Variants in NCKAP5 observed in about 807,000 individuals in gnomAD.
NCKAP5 encodes NCK associated protein 5.
In NCKAP5, 92 loss-of-function variants were observed where a neutral mutation model predicts 167.0. The observed-to-expected ratio is 0.55, with a 90% CI of 0.47 to 0.66. The LOEUF (loss-of-function observed/expected upper bound fraction) is 0.66. Among genes scored for constraint, NCKAP5 ranks in the 30% least tolerant of loss-of-function variants. The pLI is 0.00. For synonymous variants in NCKAP5, 891 were observed against 877.4 expected, an observed-to-expected ratio of 1.02 and a Z score of -0.27; for missense variants, 2,378 against 2,315.0, an observed-to-expected ratio of 1.03 and a Z score of -0.56.
chr2:133,332,757 T>G (rs754598743), intron 3 of NCKAP5, among the ~76,000 whole-genome samples: 7 of 152,234 alleles, frequency 4.6e-5, no homozygotes, highest in Non-Finnish European at 8.8e-5. Flanking sequence ...ACCCTGCTAT[T>G]TGCTCTGCTT....
Position 132,782,273 on chromosome 2 carries a change from C to A in NCKAP5, c.4538G>T (p.Arg1513Leu). 3.1e-6 allele frequency: 5 copies of A among 1,614,002 alleles called. No individual in the cohort carries two copies. The highest frequency in any genetic ancestry group is 4.2e-6 in the Non-Finnish European group (5 of 1,179,904). ...GPSFASWFGF[R>L]KSRLPALSSR... ...ACTCAGAGCTGGAAGTCTACTCTTC[C>A]GAAAACCAAACCAGCTGGCAAAAGA... Residue 1513 changes from arginine to leucine, a missense_variant, in exon 14 of 20, where the codon CGG becomes CTG. By Grantham distance (102) the Arg-to-Leu change is moderately radical (BLOSUM62 -2). Around this residue, in one of 3 missense-constraint regions of NCKAP5, gnomAD observed 1,325 missense variants for 1,274.5 expected, o/e 1.04. Coordinates refer to ENST00000409261, the MANE Select transcript of NCKAP5 (RefSeq NM_207363.3).
chr2:133,181,345 C>G (rs766747496), intron 5 of NCKAP5, among the ~76,000 whole-genome samples: 5 of 151,582 alleles, frequency 3.3e-5, no homozygotes, highest in African/African-American at 1.2e-4. Flanking sequence ...AAAAAATACT[C>G]TAAATACATC....
intron 5 of NCKAP5, among the ~76,000 whole-genome samples, chr2:133,160,907 C>G (rs1200226529): frequency 1.3e-5 from 2 of 152,066 alleles, no homozygotes; most frequent in Admixed American, 1.3e-4. Context: ...TTAGTAATCA[C>G]TGAACTGATA....
At chr2:133,619,651 G>C in the NCKAP5 span, among the ~76,000 whole-genome samples, 9 of 152,150 alleles carry the variant, frequency 5.9e-5, no homozygotes, top group Admixed American at 3.9e-4. Flanking sequence ...CAAGGAAAAA[G>C]AGAAATCTAA....
the NCKAP5 span, among the ~76,000 whole-genome samples, chr2:133,652,131 A>G: frequency 1.3e-5 from 2 of 152,236 alleles, no homozygotes; most frequent in African/African-American, 4.8e-5. Context: ...AAGGCACCTG[A>G]TAAGTATACA....
At chr2:133,525,657 AC>A (rs1216484084) in intron 2 of NCKAP5, among the ~76,000 whole-genome samples, 1 of 152,206 alleles carries the variant, frequency 6.6e-6, no homozygotes, top group African/African-American at 2.4e-5. Flanking sequence ...CATATAATCC[AC>A]CCTTTTAAGT....
chr2:133,522,722 T>C (rs1684574269), intron 2 of NCKAP5, among the ~76,000 whole-genome samples: 1 of 152,216 alleles, frequency 6.6e-6, no homozygotes, highest in South Asian at 2.1e-4. Flanking sequence ...GAGGTTGCTT[T>C]TTAGCCAAGC....
At chr2:133,225,236 A>AG (rs2086829881) in intron 4 of NCKAP5, among the ~76,000 whole-genome samples, 1 of 126,342 alleles carries the variant, frequency 7.9e-6, no homozygotes, top group Admixed American at 8.2e-5. Flanking sequence ...GGAATTCTTG[A>AG]GGGAAAAAAA....
At chr2:133,006,580 A>T (rs1265329361) in intron 6 of NCKAP5, among the ~76,000 whole-genome samples, 4 of 152,006 alleles carry the variant, frequency 2.6e-5, no homozygotes, top group Admixed American at 1.3e-4. Flanking sequence ...TCTAAATCTG[A>T]TTCCCATTTT....
chr2:133,612,852 C>T, the NCKAP5 span, among the ~76,000 whole-genome samples: 3 of 152,170 alleles, frequency 2.0e-5, no homozygotes, highest in Non-Finnish European at 4.4e-5. Flanking sequence ...TATAACATTG[C>T]TCTTAAGCGC....
chr2:132,773,401 A>G (rs1017000348), intron 16 of NCKAP5, among the ~76,000 whole-genome samples: 1 of 152,256 alleles, frequency 6.6e-6, no homozygotes, highest in African/African-American at 2.4e-5. Context: ...AAGAGAGTTG[A>G]GAGTTTTGGC....
intron 3 of NCKAP5, among the ~76,000 whole-genome samples, chr2:133,381,906 G>A (rs1195176388): frequency 3.3e-5 from 5 of 152,192 alleles, no homozygotes; most frequent in African/African-American, 4.8e-5. Flanking sequence ...GGAGCTCTGC[G>A]CTGAAGTTTG....
intron 19 of NCKAP5, among the ~76,000 whole-genome samples, chr2:132,715,820 G>A (rs1689316812): frequency 6.6e-6 from 1 of 152,192 alleles, no homozygotes; most frequent in Non-Finnish European, 1.5e-5. Flanking sequence ...TAGGTAGCTG[G>A]ACCAGGGCCT....
the NCKAP5 span, among the ~76,000 whole-genome samples, chr2:133,620,712 T>C: frequency 6.6e-6 from 1 of 152,108 alleles, no homozygotes; most frequent in Non-Finnish European, 1.5e-5. Flanking sequence ...AGACAGGTCA[T>C]CAAGATGGAA....
At position 133,542,552 on chromosome 2, in the gene NCKAP5, A is replaced by G. The variant is rs561162240; in HGVS notation, c.-62+16498T>C. ...GCCTTCAAGTAGCAAACCTCAGAAC[A>G]TGCCGCCATATTTCACAGTGCCAGT... On this transcript the variant is annotated intron_variant, in intron 2 of 19. Coordinates refer to ENST00000409261, the MANE Select transcript of NCKAP5 (RefSeq NM_207363.3). Among the ~76,000 whole-genome samples, 5 of 152,296 alleles carry G rather than the reference A, an allele frequency of 3.3e-5. No individual in the cohort carries two copies. The East Asian group carries it at 9.7e-4, about 29-fold the overall frequency.
intron 6 of NCKAP5, among the ~76,000 whole-genome samples, chr2:133,017,273 G>A (rs891298254): frequency 6.6e-6 from 1 of 152,116 alleles, no homozygotes; most frequent in African/African-American, 2.4e-5. Context: ...CCACCTTCGA[G>A]GCATTTATGC....
chr2:132,933,166 C>T lies in NCKAP5; in HGVS notation c.579+30554G>A, dbSNP rs566021387. Among the ~76,000 whole-genome samples, 314 of 152,248 alleles carry T rather than the reference C, an allele frequency of 2.1e-3. 5 individuals carry two copies. Among genetic ancestry groups the T allele is most frequent in the African/African-American group, 7.2e-3 (299 of 41,550 alleles). ...GGTCTCGATCTTCTGACCTCATGATCTGCCCGCTGCGGCCTCCCAAAGTGC... is the reference window on the plus strand; with the variant it reads ...GGTCTCGATCTTCTGACCTCATGATTTGCCCGCTGCGGCCTCCCAAAGTGC... On this transcript the variant is annotated intron_variant, in intron 8 of 19. Coordinates refer to ENST00000409261, the MANE Select transcript of NCKAP5 (RefSeq NM_207363.3).
intron 16 of NCKAP5, among the ~76,000 whole-genome samples, chr2:132,745,906 T>C (rs1679599741): frequency 6.6e-6 from 1 of 152,026 alleles, no homozygotes; most frequent in African/African-American, 2.4e-5. Context: ...GTACAAAACA[T>C]TGTAGAGATA....
At chr2:132,747,140 C>A (rs1247883435) in intron 16 of NCKAP5, among the ~76,000 whole-genome samples, 1 of 150,414 alleles carries the variant, frequency 6.6e-6, no homozygotes, top group Non-Finnish European at 1.5e-5. Context: ...CCTCCATGAA[C>A]CTGCTTTTAA....
Sources: allele counts gnomAD v4.1 joint callset (sites outside exome capture counted in the v4.1 genomes callset), GRCh38; gene constraint gnomAD v4.1.1; regional missense constraint gnomAD v4.1.1; transcripts MANE v1.5; gene names NCBI Gene and HGNC (gene_info 2026-07-23, HGNC 2026-07-21).